Variants in PTPRA observed in about 807,000 individuals in gnomAD.
PTPRA encodes the protein receptor-type tyrosine-protein phosphatase alpha.
PTPRA carries 25 observed loss-of-function variants against 104.8 expected under a neutral mutation model. The ratio of observed to expected loss-of-function variants is 0.24; its 90% CI spans 0.17 to 0.33. PTPRA has a LOEUF of 0.33. Among genes scored for constraint, PTPRA ranks in the 10% least tolerant of loss-of-function variants. The pLI is 1.00. For missense variants in PTPRA, 765 were observed against 1,015.3 expected (o/e 0.75, Z 3.35); for synonymous variants, 323 against 368.9 (o/e 0.88, Z 1.43).
chr20:2,911,487 G>C (rs550330499), intron 1 of PTPRA, among the ~76,000 whole-genome samples: 2 of 152,254 alleles, frequency 1.3e-5, no homozygotes, highest in Admixed American at 6.5e-5. Context: ...AGTCTATGTT[G>C]ATGATGTCAT....
At chr20:2,874,646 G>C (rs1206803294) in intron 1 of PTPRA, among the ~76,000 whole-genome samples, 1 of 152,152 alleles carries the variant, frequency 6.6e-6, no homozygotes, top group East Asian at 1.9e-4. Context: ...TGGGCGAGAG[G>C]AGGACTGACT....
chr20:2,967,528 T>C (rs1248327822), intron 5 of PTPRA, among the ~76,000 whole-genome samples: 1 of 152,228 alleles, frequency 6.6e-6, no homozygotes, highest in Non-Finnish European at 1.5e-5. Context: ...GTTTTTTTTC[T>C]GGATTTAATA....
At chr20:3,000,103 G>A (rs949102594) in intron 9 of PTPRA, among the ~76,000 whole-genome samples, 2 of 152,040 alleles carry the variant, frequency 1.3e-5, no homozygotes, top group African/African-American at 4.8e-5. Flanking sequence ...GGCCAACACG[G>A]TGAGACCCTG....
intron 6 of PTPRA, among the ~76,000 whole-genome samples, chr20:2,978,605 G>A (rs1290371169): frequency 1.3e-5 from 2 of 152,172 alleles, no homozygotes; most frequent in East Asian, 1.9e-4. Flanking sequence ...GTTATAGCAA[G>A]TAGGTATCTG....
intron 3 of PTPRA, among the ~76,000 whole-genome samples, chr20:2,953,262 ATT>A (rs1325570592): frequency 6.8e-6 from 1 of 147,136 alleles, no homozygotes; most frequent in Non-Finnish European, 1.5e-5. Flanking sequence ...TTATTTATTT[ATT>A]TTTTTTTTGA....
chr20:3,021,871 C>T (rs1222631327), intron 14 of PTPRA, among the ~76,000 whole-genome samples, 183 bp from the exon 15 acceptor site: 1 of 152,240 alleles, frequency 6.6e-6, no homozygotes, highest in East Asian at 1.9e-4. Context: ...GCTGGGAGCA[C>T]TGCATTTTAG....
chr20:2,999,506 G>A (rs1299950964), intron 9 of PTPRA, among the ~76,000 whole-genome samples: 3 of 152,186 alleles, frequency 2.0e-5, no homozygotes, highest in African/African-American at 7.2e-5. Flanking sequence ...CACTGGGATA[G>A]ACAGATCGAC....
chr20:2,975,692 C>G (rs942816815), intron 6 of PTPRA, among the ~76,000 whole-genome samples: 1 of 152,074 alleles, frequency 6.6e-6, no homozygotes, highest in African/African-American at 2.4e-5. Context: ...TGTAAAGTCT[C>G]TATGGCCTGA....
rs149617699 is a variant in PTPRA at position 2,922,403 on chromosome 20, G to A, written c.-128-804G>A. Among the ~76,000 whole-genome samples the A allele has an allele frequency of 5.5e-3, 844 of 152,222 alleles. 8 individuals carry two copies. The highest frequency in any genetic ancestry group is 0.019 in the African/African-American group (780 of 41,534). ...TGCCCAGGCTGGAGTACACTGTCAC[G>A]ATCTCGGCTCACTGCAACCTCCCCC... On this transcript the variant is annotated intron_variant, in intron 1 of 23. Coordinates refer to ENST00000399903, the MANE Select transcript of PTPRA (RefSeq NM_001385305.1).
At chr20:2,911,817 CAAG>C (rs1263376052) in intron 1 of PTPRA, among the ~76,000 whole-genome samples, 5 of 151,700 alleles carry the variant, frequency 3.3e-5, no homozygotes, top group African/African-American at 1.2e-4. Flanking sequence ...AAGCATATTT[CAAG>C]AAGTAGAGAA....
At chr20:2,920,448 A>G (rs1259455283) in intron 1 of PTPRA, among the ~76,000 whole-genome samples, 1 of 152,132 alleles carries the variant, frequency 6.6e-6, no homozygotes, top group Non-Finnish European at 1.5e-5. Context: ...CAAGATTATG[A>G]TGCACCTGAG....
the PTPRA span, chr20:2,864,521 G>C: frequency 1.2e-6 from 2 of 1,613,968 alleles, no homozygotes; most frequent in African/African-American, 2.7e-5. This position sits in a 1 kb window ranked among gnomAD's most constrained non-coding sequence, Gnocchi z 5.2. Flanking sequence ...TGGCCTTGCT[G>C]ACTGATTGCC....
In PTPRA at chr20:3,009,812, G is replaced by A. The variant is rs565776668; in HGVS notation, c.906+2392G>A. ...AAGATCAGTTAGTGTGTCCAGCTGC[G>A]GGTAAGAGAATACTCAACTAAAAGT... On this transcript the variant is annotated intron_variant, in intron 11 of 23. Transcript: ENST00000399903. 3.3e-5 allele frequency among the ~76,000 whole-genome samples: 5 copies of A among 152,100 alleles called. No homozygotes were observed. In the South Asian group the frequency reaches 8.3e-4, roughly 25 times the overall value.
At chr20:2,943,856 T>A (rs2061021043) in intron 2 of PTPRA, among the ~76,000 whole-genome samples, 1 of 152,252 alleles carries the variant, frequency 6.6e-6, no homozygotes, top group African/African-American at 2.4e-5. Context: ...AGTTAATACT[T>A]AAGTATTATG....
At chr20:2,865,208 G>A in the PTPRA span, 1 of 1,614,166 alleles carries the variant, frequency 6.2e-7, no homozygotes, top group Non-Finnish European at 8.5e-7. This position sits in a 1 kb window ranked among gnomAD's most constrained non-coding sequence, Gnocchi z 5.2. Context: ...CGAGCTGGGG[G>A]GCCAGTTCCT....
intron 1 of PTPRA, among the ~76,000 whole-genome samples, chr20:2,894,864 G>A (rs530124918): frequency 7.9e-5 from 12 of 151,678 alleles, no homozygotes; most frequent in Non-Finnish European, 1.5e-4. Context: ...ACGGGCGCCT[G>A]TAGTCCCAGC....
At chr20:3,029,820 G>T (rs962558410) in intron 20 of PTPRA, among the ~76,000 whole-genome samples, 1 of 152,068 alleles carries the variant, frequency 6.6e-6, no homozygotes, top group African/African-American at 2.4e-5. Context: ...GAGCCACTGC[G>T]CCCAGTGTCT....
intron 6 of PTPRA, among the ~76,000 whole-genome samples, chr20:2,975,493 T>G (rs2062394773): frequency 6.6e-6 from 1 of 152,234 alleles, no homozygotes; most frequent in Non-Finnish European, 1.5e-5. Flanking sequence ...AAATATATCT[T>G]ACTTTGACAT....
intron 1 of PTPRA, among the ~76,000 whole-genome samples, chr20:2,903,099 A>AT (rs2059296259): frequency 6.6e-6 from 1 of 152,204 alleles, no homozygotes; most frequent in Admixed American, 6.5e-5. Context: ...AACTTTTTGA[A>AT]TGCCTACATG....
Sources: allele counts gnomAD v4.1 joint callset (sites outside exome capture counted in the v4.1 genomes callset), GRCh38; gene constraint gnomAD v4.1.1; non-coding constraint Gnocchi (gnomAD v3.1); transcripts MANE v1.5; gene names NCBI Gene and HGNC (gene_info 2026-07-23, HGNC 2026-07-21).